The following CSMD3 variants were observed in gnomAD, a reference collection of about 807,000 sequenced individuals.
CSMD3 encodes the protein CUB and sushi domain-containing protein 3.
Under a neutral mutation model 435.2 loss-of-function variants are expected in CSMD3, and 177 were observed. The observed-to-expected ratio is 0.41, with a 90% CI of 0.36 to 0.46. The LOEUF (loss-of-function observed/expected upper bound fraction) is 0.46. Ranked by LOEUF, CSMD3 falls within the 20% of genes least tolerant of loss-of-function variation. The pLI is 0.34. For missense variants in CSMD3, 4,265 were observed against 4,504.6 expected (o/e 0.95, Z 1.52); for synonymous variants, 1,656 against 1,520.5 (o/e 1.09, Z -2.07).
chr8:112,784,687 CACAT>C (rs2078491337), intron 13 of CSMD3, among the ~76,000 whole-genome samples: 1 of 151,934 alleles, frequency 6.6e-6, no homozygotes, highest in Admixed American at 6.6e-5. Flanking sequence ...AATTACTAGA[CACAT>C]ACAACCTACC....
chr8:112,313,455 T>A (rs7820425), intron 49 of CSMD3, among the ~76,000 whole-genome samples: 30,573 of 151,998 alleles, frequency 0.2, 3,662 homozygotes, highest in East Asian at 0.37. Context: ...TTTAAAGGAG[T>A]TCTTAAATAG....
intron 38 of CSMD3, among the ~76,000 whole-genome samples, chr8:112,366,133 C>T (rs1827762620): frequency 6.6e-6 from 1 of 152,116 alleles, no homozygotes; most frequent in South Asian, 2.1e-4. Flanking sequence ...GTGGTTCAGT[C>T]AAAGCAAAAA....
intron 13 of CSMD3, among the ~76,000 whole-genome samples, chr8:112,749,290 TA>T (rs1172282201): frequency 2.6e-5 from 4 of 152,176 alleles, no homozygotes; most frequent in African/African-American, 9.7e-5. Context: ...TTCTGCAGGT[TA>T]TCTGTTTACT....
rs542899409 is a variant in CSMD3, at chr8:112,624,715, A to G, written c.3715+12102T>C. On this transcript the variant is annotated intron_variant, in intron 22 of 70. Coordinates refer to ENST00000297405, the MANE Select transcript of CSMD3 (RefSeq NM_198123.2). ...ATAAAAGTACTAGCAAGGTATCACT[A>G]TGTACATGCTGAACACTCAATAGTG... Among the ~76,000 whole-genome samples, 52 of 152,104 alleles carry G rather than the reference A, an allele frequency of 3.4e-4. 1 individual carries two copies. In the South Asian group the frequency reaches 3.7e-3, roughly 11 times the overall value.
At chr8:113,057,703 C>A (rs66698442) in intron 5 of CSMD3, among the ~76,000 whole-genome samples, 13,141 of 151,854 alleles carry the variant, frequency 0.087, 631 homozygotes, top group Non-Finnish European at 0.095. Flanking sequence ...AGAACCAACA[C>A]TCCCATATTC....
chr8:113,248,320 T>A (rs1021748806), intron 3 of CSMD3, among the ~76,000 whole-genome samples: 2 of 151,198 alleles, frequency 1.3e-5, no homozygotes, highest in African/African-American at 4.8e-5. Context: ...AAATTAAGGC[T>A]AATTTGTTTT....
intron 31 of CSMD3, among the ~76,000 whole-genome samples, chr8:112,491,418 G>A (rs1246949154): frequency 6.6e-6 from 1 of 152,144 alleles, no homozygotes; most frequent in Non-Finnish European, 1.5e-5. Flanking sequence ...ACTTTAGAAA[G>A]TGGAGGTGGA....
intron 1 of CSMD3, among the ~76,000 whole-genome samples, chr8:113,394,243 G>T (rs1035699739): frequency 1.6e-4 from 25 of 151,678 alleles, no homozygotes; most frequent in Middle Eastern, 3.4e-3. Flanking sequence ...AAGTTAAACA[G>T]GATTACTGTT....
chr8:113,151,635 A>C (rs887013847), intron 4 of CSMD3, among the ~76,000 whole-genome samples: 2 of 152,020 alleles, frequency 1.3e-5, no homozygotes, highest in Non-Finnish European at 2.9e-5. Flanking sequence ...GTTTCTCTTC[A>C]GTAGAGGAAT....
At chr8:112,883,808 C>G (rs1044201398) in intron 10 of CSMD3, among the ~76,000 whole-genome samples, 3 of 151,838 alleles carry the variant, frequency 2.0e-5, no homozygotes, top group African/African-American at 7.2e-5. Context: ...TGTTTAGTCT[C>G]CTTCAATGCA....
At chr8:113,318,649 A>C (rs2093927497) in intron 1 of CSMD3, among the ~76,000 whole-genome samples, 1 of 152,084 alleles carries the variant, frequency 6.6e-6, no homozygotes, top group African/African-American at 2.4e-5. Flanking sequence ...CTTTTTAAAA[A>C]AAATATATTC....
At chr8:113,184,037 C>T (rs1239105010) in intron 3 of CSMD3, among the ~76,000 whole-genome samples, 5 of 152,018 alleles carry the variant, frequency 3.3e-5, no homozygotes, top group Non-Finnish European at 7.4e-5. Context: ...AAAGTCTGGG[C>T]CTCTGGAACC....
chr8:112,518,739 T>G (rs1216012893), intron 27 of CSMD3, among the ~76,000 whole-genome samples: 1 of 152,076 alleles, frequency 6.6e-6, no homozygotes, highest in Non-Finnish European at 1.5e-5. Context: ...TATTAGTCTG[T>G]TAACACACTG....
chr8:113,050,613 T>A (rs1256049909), intron 5 of CSMD3, among the ~76,000 whole-genome samples: 4 of 151,876 alleles, frequency 2.6e-5, no homozygotes, highest in African/African-American at 4.8e-5. Context: ...GTACAGAAAA[T>A]TAAAGAAAAA....
intron 31 of CSMD3, among the ~76,000 whole-genome samples, chr8:112,476,232 G>T (rs1819038455): frequency 6.6e-6 from 1 of 152,052 alleles, no homozygotes; most frequent in Non-Finnish European, 1.5e-5. Flanking sequence ...TATTAGTAGG[G>T]ATGGGGTTTT....
At chr8:113,339,347 G>A (rs1306659503) in intron 1 of CSMD3, among the ~76,000 whole-genome samples, 4 of 151,892 alleles carry the variant, frequency 2.6e-5, no homozygotes, top group Non-Finnish European at 5.9e-5. Context: ...CAATTTGTCT[G>A]AGAATACAAA....
intron 1 of CSMD3, among the ~76,000 whole-genome samples, chr8:113,341,295 T>C (rs1471906593): frequency 2.0e-5 from 3 of 152,140 alleles, no homozygotes; most frequent in African/African-American, 7.2e-5. Flanking sequence ...GAAAATAGAG[T>C]ACTAGAGCTT....
intron 7 of CSMD3, among the ~76,000 whole-genome samples, chr8:112,975,478 A>G (rs578185619): frequency 5.8e-4 from 88 of 152,254 alleles, no homozygotes; most frequent in African/African-American, 2.1e-3. Context: ...GCACTTATTA[A>G]TCAAAACTGG....
intron 3 of CSMD3, among the ~76,000 whole-genome samples, chr8:113,243,703 G>A (rs2093244889): frequency 6.6e-6 from 1 of 152,028 alleles, no homozygotes; most frequent in South Asian, 2.1e-4. Flanking sequence ...TTTCCAAAGT[G>A]GCTACAACAG....
Sources: gnomAD v4.1 joint callset for allele counts (sites outside exome capture counted in the v4.1 genomes callset) on GRCh38, gnomAD v4.1.1 for gene constraint, MANE v1.5 for transcripts, NCBI Gene and HGNC (gene_info 2026-07-23, HGNC 2026-07-21) for gene names.